Variants in DNAJA4 observed in about 807,000 individuals in gnomAD.
DNAJA4 encodes the protein dnaJ homolog subfamily A member 4.
In DNAJA4, 32 loss-of-function variants were observed where a neutral mutation model predicts 39.7. That is an observed-to-expected ratio of 0.81 (90% CI 0.61 to 1.08). The LOEUF (loss-of-function observed/expected upper bound fraction) is 1.08. Among genes scored for constraint, DNAJA4 ranks in the 50% least tolerant of loss-of-function variants. DNAJA4 has a pLI of 0.00. For missense variants in DNAJA4, 439 were observed against 505.1 expected (o/e 0.87, Z 1.25); for synonymous variants, 184 against 182.4 (o/e 1.01, Z -0.07).
Position 78,280,469 on chromosome 15 carries a change from G to A in DNAJA4, c.*9G>A, listed in dbSNP as rs563625789. 46 of 1,598,116 alleles carry A rather than the reference G, an allele frequency of 2.9e-5. No homozygotes were observed. The highest frequency in any genetic ancestry group is 3.4e-5 in the Non-Finnish European group (40 of 1,171,364). ...AGTGCCAGACGGCATGACGTGGTGC[G>A]GGGCAGCGTGGCCCCACCGGACTAG... is the stretch of plus-strand genomic sequence containing the variant. On this transcript the variant is annotated 3_prime_UTR_variant, in exon 7 of 7. Coordinates refer to ENST00000394852, the MANE Select transcript of DNAJA4 (RefSeq NM_001130182.2).
chr15:78,272,740 G>C (rs530027963), intron 2 of DNAJA4, among the ~76,000 whole-genome samples: 2 of 152,352 alleles, frequency 1.3e-5, no homozygotes, highest in Admixed American at 1.3e-4. Context: ...CTCCTTTCAT[G>C]GGGAAACTTA....
intron 1 of DNAJA4, chr15:78,266,317 C>G: frequency 6.2e-7 from 1 of 1,601,654 alleles, no homozygotes; most frequent in Middle Eastern, 1.7e-4. Context: ...TCTGTGTATA[C>G]AGTTAGAGCT....
chr15:78,275,244 T>C (rs2049419343), intron 4 of DNAJA4: 1 of 497,324 alleles, frequency 2.0e-6, no homozygotes, highest in Non-Finnish European at 3.6e-6. Flanking sequence ...GGGAGTGCTG[T>C]GTAAACCTGG....
chr15:78,272,530 G>T (rs1206630934), intron 2 of DNAJA4, among the ~76,000 whole-genome samples: 7 of 152,230 alleles, frequency 4.6e-5, no homozygotes, highest in Admixed American at 3.9e-4. Flanking sequence ...AGTCTTGACA[G>T]GCTGGCAGGT....
intron 5 of DNAJA4, among the ~76,000 whole-genome samples, chr15:78,276,472 G>T (rs971563936): frequency 6.6e-6 from 1 of 152,212 alleles, no homozygotes; most frequent in Non-Finnish European, 1.5e-5. Flanking sequence ...GGGTTGGTGT[G>T]TTCACTGTAG....
chr15:78,264,321 G>A, upstream of DNAJA4: 1 of 1,410,250 alleles, frequency 7.1e-7, no homozygotes, highest in Non-Finnish European at 9.2e-7. Flanking sequence ...GCCATGGCCC[G>A]GGGCGGCAGT....
At chr15:78,276,853 C>T (rs2049478109) in intron 5 of DNAJA4, among the ~76,000 whole-genome samples, 1 of 152,206 alleles carries the variant, frequency 6.6e-6, no homozygotes, top group Non-Finnish European at 1.5e-5. Context: ...GTGACTGAGG[C>T]CTGGACTTCT....
intron 5 of DNAJA4, 81 bp downstream of exon 5, chr15:78,275,809 T>G: frequency 3.1e-6 from 3 of 963,956 alleles, no homozygotes; most frequent in Non-Finnish European, 4.6e-6. Flanking sequence ...ATTTTTTTAT[T>G]GCTACATAAT....
intron 3 of DNAJA4, 39 bp from the exon 4 acceptor site, chr15:78,274,155 GGAA>G (rs1277193808): frequency 6.3e-7 from 1 of 1,583,702 alleles, no homozygotes; most frequent in Admixed American, 1.7e-5. Context: ...CACTGGTAAG[GGAA>G]GAGCATGGCC....
At chr15:78,276,646 G>A (rs912651973) in intron 5 of DNAJA4, among the ~76,000 whole-genome samples, 2 of 152,288 alleles carry the variant, frequency 1.3e-5, no homozygotes, top group Non-Finnish European at 2.9e-5. Flanking sequence ...CGCCACCGAA[G>A]CAGCCTGGGC....
chr15:78,273,119 C>G lies in DNAJA4; in HGVS notation c.338C>G (p.Ser113Cys), dbSNP rs1052499577. Residue 113 changes from serine (S) to cysteine (C), a missense_variant, in exon 3 of 7, where the codon TCT (serine) becomes TGT (cysteine). Coordinates refer to ENST00000394852, the MANE Select transcript of DNAJA4 (RefSeq NM_001130182.2). ...GGCAAGAATGTTGTACACCAGTTAT[C>G]TGTAACTCTTGAAGATCTATATAAT... ...RRGKNVVHQLSVTLEDLYNGV... is the reference protein window; with the variant it reads ...RRGKNVVHQLCVTLEDLYNGV... 4.4e-6 allele frequency: 7 copies of G among 1,602,056 alleles called. No individual in the cohort carries two copies. Among genetic ancestry groups the G allele is most frequent in the Non-Finnish European group, 5.1e-6 (6 of 1,170,524 alleles).
intron 2 of DNAJA4, among the ~76,000 whole-genome samples, chr15:78,271,749 C>T (rs2049304834): frequency 6.6e-6 from 1 of 152,150 alleles, no homozygotes; most frequent in South Asian, 2.1e-4. Flanking sequence ...AGACTAGTTC[C>T]CATTCCCCCT....
At chr15:78,264,429 GTC>G, upstream of DNAJA4, 1 of 1,341,906 alleles carries the variant, frequency 7.5e-7, no homozygotes, top group Non-Finnish European at 9.5e-7. Context: ...GGCGTCGGGG[GTC>G]TGGGCCGCGA....
In DNAJA4 at chr15:78,280,765, C is replaced by T; in HGVS notation, c.*305C>T. 1 of 263,944 alleles carries T rather than the reference C, an allele frequency of 3.8e-6. No homozygotes were observed. The allele number at this position is 263,944 out of a possible 1,614,324, so 16.4% of individuals were successfully genotyped here. A position where few individuals can be genotyped will look rare whatever the true frequency, so the allele number is the denominator to read the frequency against. ...CACCAATACTTTGTGCTTCTAGTGG[C>T]TTTGCCATAATTCAGTGTCACCAAT... On this transcript the variant is annotated 3_prime_UTR_variant, in exon 7 of 7. Transcript: ENST00000394852.
chr15:78,281,357 G>A lies in DNAJA4; in HGVS notation c.*897G>A, dbSNP rs994918714. ...ATGGCACAGCCAGCTTCTCTGACCAGTAATCCGGGGTGACTTGAGGGTCTG... is the reference window on the plus strand; with the variant it reads ...ATGGCACAGCCAGCTTCTCTGACCAATAATCCGGGGTGACTTGAGGGTCTG... On this transcript the variant is annotated 3_prime_UTR_variant, in exon 7 of 7. Transcript: ENST00000394852. The A allele has an allele frequency of 6.6e-6, 1 of 152,646 alleles. No individual in the cohort carries two copies. The highest frequency in any genetic ancestry group is 1.5e-5 in the Non-Finnish European group (1 of 68,062). 9.5% of individuals were successfully genotyped at this position (152,646 alleles called of 1,614,324 possible). A position where few individuals can be genotyped will look rare whatever the true frequency, so the allele number is the denominator to read the frequency against.
At chr15:78,272,091 C>G (rs2049314285) in intron 2 of DNAJA4, among the ~76,000 whole-genome samples, 2 of 152,252 alleles carry the variant, frequency 1.3e-5, no homozygotes, top group South Asian at 4.1e-4. Flanking sequence ...ACCTTGGGTA[C>G]TTTGGGAGGC....
chr15:78,264,214 C>A, upstream of DNAJA4: 2 of 856,784 alleles, frequency 2.3e-6, no homozygotes, highest in Non-Finnish European at 3.2e-6. Flanking sequence ...AGCCAGCCGG[C>A]TCCACGGACC....
chr15:78,264,485 T>C, upstream of DNAJA4: 1 of 1,254,546 alleles, frequency 8.0e-7, no homozygotes, highest in South Asian at 2.9e-5. Context: ...GTTCTAGGCC[T>C]TTGTGGCGTC....
intron 5 of DNAJA4, among the ~76,000 whole-genome samples, chr15:78,276,659 C>T (rs2049469665): frequency 6.6e-6 from 1 of 152,278 alleles, no homozygotes; most frequent in African/African-American, 2.4e-5. Context: ...GCCTGGGCCC[C>T]AGCACCAGCC....
Sources: gnomAD v4.1 joint callset for allele counts (sites outside exome capture counted in the v4.1 genomes callset) on GRCh38, gnomAD v4.1.1 for gene constraint, MANE v1.5 for transcripts, NCBI Gene and HGNC (gene_info 2026-07-23, HGNC 2026-07-21) for gene names.